The following GSTO2 variants were observed in gnomAD, a reference collection of about 807,000 sequenced individuals.
GSTO2 encodes the protein glutathione S-transferase omega-2.
Under a neutral mutation model 28.4 loss-of-function variants are expected in GSTO2, and 23 were observed. That is an observed-to-expected ratio of 0.81 (90% confidence interval 0.58 to 1.15). GSTO2 has a LOEUF of 1.15. GSTO2 is among the 50% of genes most tolerant of loss of function. The pLI is 0.00. For missense variants in GSTO2, 298 were observed against 297.8 expected, an observed-to-expected ratio of 1.00 and a Z score of 0.00; for synonymous variants, 109 against 111.0, an observed-to-expected ratio of 0.98 and a Z score of 0.11.
At chr10:104,275,036 C>T in intron 2 of GSTO2, 87 bp downstream of exon 2, 1 of 1,524,786 alleles carries the variant, frequency 6.6e-7, no homozygotes, top group South Asian at 1.2e-5. Flanking sequence ...CCTTGGCCTG[C>T]AGACCGGCGG....
At chr10:104,297,451 C>A in intron 5 of GSTO2, 127 bp from the exon 6 acceptor site, 2 of 600,472 alleles carry the variant, frequency 3.3e-6, no homozygotes, top group Non-Finnish European at 3.0e-6. Context: ...TTCTCCTAAC[C>A]AGAGGGAGAA....
intron 1 of GSTO2, among the ~76,000 whole-genome samples, chr10:104,274,430 A>T (rs947425738): frequency 2.6e-5 from 4 of 152,016 alleles, no homozygotes; most frequent in African/African-American, 9.7e-5. Flanking sequence ...GTTTGGCCTT[A>T]TTATTTTTTA....
In GSTO2 at chr10:104,304,362, T is replaced by C. The variant is rs1401686325; in HGVS notation, c.*5078T>C. On this transcript the variant is annotated 3_prime_UTR_variant, in exon 7 of 7. Coordinates refer to ENST00000338595, the MANE Select transcript of GSTO2 (RefSeq NM_183239.2). ...CCTCAGAGCAGCCCTCTGTTTTTTT[T>C]TCCAACCAGTCTTTTCTCTTGCAAA... The C allele has an allele frequency of 2.6e-5, 4 of 152,242 alleles. No homozygotes were observed. Among genetic ancestry groups the C allele is most frequent in the African/African-American group, 9.6e-5 (4 of 41,458 alleles). The allele number at this position is 152,242 out of a possible 1,614,324, so 9.4% of individuals were successfully genotyped here. A position where few individuals can be genotyped will look rare whatever the true frequency, so the allele number is the denominator to read the frequency against.
intron 2 of GSTO2, 41 bp from the exon 3 acceptor site, chr10:104,275,185 A>G: frequency 6.3e-7 from 1 of 1,577,970 alleles, no homozygotes; most frequent in South Asian, 1.2e-5. Flanking sequence ...CGGGCTGACT[A>G]GCCTCTCCTT....
At chr10:104,274,193 T>G (rs1011666800) in intron 1 of GSTO2, among the ~76,000 whole-genome samples, 5 of 152,222 alleles carry the variant, frequency 3.3e-5, no homozygotes, top group Non-Finnish European at 7.3e-5. Context: ...AATTGTTCTT[T>G]GCCTCCAGGT....
At position 104,299,350 on chromosome 10, in the gene GSTO2, G is replaced by C; in HGVS notation, c.*66G>C. 1.3e-6 allele frequency: 2 copies of C among 1,555,390 alleles called. No homozygotes were observed. Among genetic ancestry groups the C allele is most frequent in the Non-Finnish European group, 1.8e-6 (2 of 1,139,924 alleles). ...TTGTTGGGAGTCTACGTCACGGCTTGTCTTGGGAACCAATCCGTCTCTCTT... is the reference window on the plus strand; with the variant it reads ...TTGTTGGGAGTCTACGTCACGGCTTCTCTTGGGAACCAATCCGTCTCTCTT... On this transcript the variant is annotated 3_prime_UTR_variant, in exon 7 of 7. Coordinates refer to ENST00000338595, the MANE Select transcript of GSTO2 (RefSeq NM_183239.2).
chr10:104,271,463 C>T (rs557232630), intron 1 of GSTO2, among the ~76,000 whole-genome samples: 2 of 152,218 alleles, frequency 1.3e-5, no homozygotes, highest in Non-Finnish European at 2.9e-5. Flanking sequence ...TGATTCGATA[C>T]TCACAATTCA....
chr10:104,270,248 C>T (rs1269318887), intron 1 of GSTO2, among the ~76,000 whole-genome samples: 1 of 152,092 alleles, frequency 6.6e-6, no homozygotes, highest in Non-Finnish European at 1.5e-5. Context: ...CTCTTGACCT[C>T]GTGATCCGCC....
In GSTO2 at chr10:104,269,867, C is replaced by T. The variant is rs1406952095; in HGVS notation, c.-232+598C>T. On this transcript the variant is annotated intron_variant, in intron 1 of 6. Transcript: ENST00000338595. ...TATAAGAACACCCGAAAGTTGTTGT[C>T]ATTTGCCCAAGGTCACCCAGCTAAT... Among the ~76,000 whole-genome samples, 4 of 152,228 alleles carry T rather than the reference C, an allele frequency of 2.6e-5. No homozygotes were observed. The East Asian group carries it at 7.7e-4, about 29-fold the overall frequency.
chr10:104,280,776 T>C (rs929263749), intron 5 of GSTO2, among the ~76,000 whole-genome samples: 3 of 152,212 alleles, frequency 2.0e-5, no homozygotes, highest in African/African-American at 7.2e-5. Context: ...AGAATACAAT[T>C]TTTTTCCCCT....
chr10:104,290,003 C>G (rs1314060041), intron 5 of GSTO2, among the ~76,000 whole-genome samples: 1 of 152,114 alleles, frequency 6.6e-6, no homozygotes, highest in Admixed American at 6.5e-5. Context: ...TTAGTATAAC[C>G]ATTGTGGAGA....
intron 5 of GSTO2, among the ~76,000 whole-genome samples, chr10:104,289,357 A>G: frequency 6.6e-6 from 1 of 152,174 alleles, no homozygotes; most frequent in Non-Finnish European, 1.5e-5. Context: ...TGGTCTCCCA[A>G]AGTACTAGGA....
chr10:104,273,833 T>C (rs956256305), intron 1 of GSTO2, among the ~76,000 whole-genome samples: 1 of 152,234 alleles, frequency 6.6e-6, no homozygotes, highest in African/African-American at 2.4e-5. Context: ...ATGAGTTGCC[T>C]GACTGAGCAA....
intron 5 of GSTO2, among the ~76,000 whole-genome samples, chr10:104,293,729 C>T (rs747546637): frequency 2.0e-4 from 30 of 151,822 alleles, no homozygotes; most frequent in Non-Finnish European, 3.2e-4. Context: ...GCCACCACCA[C>T]GTCCAGCTAA....
intron 3 of GSTO2, 131 bp downstream of exon 3, chr10:104,275,465 A>C: frequency 1.4e-6 from 1 of 728,702 alleles, no homozygotes; most frequent in Non-Finnish European, 2.2e-6. Context: ...AGGCAAAGTC[A>C]ACAAATAGCA....
intron 5 of GSTO2, among the ~76,000 whole-genome samples, chr10:104,283,858 A>T (rs2012235114): frequency 6.6e-6 from 1 of 152,224 alleles, no homozygotes; most frequent in Non-Finnish European, 1.5e-5. Context: ...AGCTAAAAAT[A>T]TATTAAATAC....
At chr10:104,291,955 C>G (rs1410955136) in intron 5 of GSTO2, among the ~76,000 whole-genome samples, 1 of 152,174 alleles carries the variant, frequency 6.6e-6, no homozygotes, top group Non-Finnish European at 1.5e-5. Context: ...CAACAAACCT[C>G]TTGAACTCTT....
intron 5 of GSTO2, among the ~76,000 whole-genome samples, chr10:104,282,486 T>G (rs1475438596): frequency 2.0e-5 from 3 of 147,996 alleles, no homozygotes; most frequent in Non-Finnish European, 4.5e-5. Flanking sequence ...CCTAGGAGGT[T>G]GAAGCTGCAG....
chr10:104,292,889 G>A (rs558051919), intron 5 of GSTO2, among the ~76,000 whole-genome samples: 1 of 152,288 alleles, frequency 6.6e-6, no homozygotes, highest in South Asian at 2.1e-4. Context: ...CATTTCTGAT[G>A]ATAAAACACT....
Sources: allele counts gnomAD v4.1 joint callset (sites outside exome capture counted in the v4.1 genomes callset), GRCh38; gene constraint gnomAD v4.1.1; transcripts MANE v1.5; gene names NCBI Gene and HGNC (gene_info 2026-07-23, HGNC 2026-07-21).